ANO2: variants seen among roughly 807,000 people sequenced by gnomAD.
ANO2 encodes anoctamin-2.
A neutral mutation model predicts 124.2 loss-of-function variants in ANO2; 101 were observed. The ratio of observed to expected loss-of-function variants is 0.81; its 90% CI spans 0.69 to 0.96. The LOEUF is 0.96. Ranked by LOEUF, ANO2 falls within the 40% of genes least tolerant of loss-of-function variation. The pLI, the probability that ANO2 is intolerant of heterozygous loss-of-function variation, is 0.00. For synonymous variants in ANO2, 486 were observed against 482.5 expected (o/e 1.01, Z -0.09); for missense variants, 1,293 against 1,274.5 (o/e 1.01, Z -0.22).
chr12:5,659,988 G>A (rs756154402), intron 14 of ANO2, among the ~76,000 whole-genome samples: 14 of 152,130 alleles, frequency 9.2e-5, no homozygotes, highest in Non-Finnish European at 1.3e-4. Flanking sequence ...CAAGCAAGTC[G>A]TCATCCCTCT....
At chr12:5,942,231 G>T (rs7305752) in intron 1 of ANO2, among the ~76,000 whole-genome samples, 6,270 of 152,280 alleles carry the variant, frequency 0.041, 169 homozygotes, top group South Asian at 0.11. Flanking sequence ...AATTAGTTAT[G>T]ATATAAATTT....
intron 10 of ANO2, among the ~76,000 whole-genome samples, chr12:5,782,518 GT>G (rs1187210974): frequency 6.6e-6 from 1 of 151,962 alleles, no homozygotes; most frequent in African/African-American, 2.4e-5. Flanking sequence ...AACTAACCTT[GT>G]TTTTTTCAGG....
intron 7 of ANO2, among the ~76,000 whole-genome samples, chr12:5,826,039 G>C (rs1953943962): frequency 1.3e-5 from 2 of 152,164 alleles, no homozygotes; most frequent in African/African-American, 4.8e-5. Flanking sequence ...AAACATGTTT[G>C]TGCATGTATA....
chr12:5,639,673 A>G (rs1946229710), intron 15 of ANO2, among the ~76,000 whole-genome samples: 1 of 152,134 alleles, frequency 6.6e-6, no homozygotes, highest in Non-Finnish European at 1.5e-5. Context: ...GAGCAAGGGG[A>G]CAGGTGGAGT....
At chr12:5,742,329 G>A (rs1399092555) in intron 12 of ANO2, among the ~76,000 whole-genome samples, 2 of 152,200 alleles carry the variant, frequency 1.3e-5, no homozygotes, top group Non-Finnish European at 2.9e-5. Flanking sequence ...GCTCTTGGCT[G>A]CTGTAACTGA....
intron 14 of ANO2, among the ~76,000 whole-genome samples, chr12:5,729,945 A>C (rs1950572358): frequency 6.6e-6 from 1 of 152,262 alleles, no homozygotes; most frequent in African/African-American, 2.4e-5. Flanking sequence ...AAAGTCCAGA[A>C]TAGGCAAATC....
At chr12:5,854,990 G>A (rs1227402210) in intron 3 of ANO2, among the ~76,000 whole-genome samples, 1 of 148,188 alleles carries the variant, frequency 6.7e-6, no homozygotes, top group Non-Finnish European at 1.5e-5. Context: ...TTTCTGATAT[G>A]AATTTAATTA....
At chr12:5,666,583 C>T (rs1207355800) in intron 14 of ANO2, among the ~76,000 whole-genome samples, 2 of 152,182 alleles carry the variant, frequency 1.3e-5, no homozygotes, top group East Asian at 1.9e-4. Context: ...TTAAGCTCCT[C>T]GTTACCAAAT....
intron 20 of ANO2, 150 bp downstream of exon 20, chr12:5,599,334 C>T (rs1943814883): frequency 2.2e-6 from 2 of 925,580 alleles, no homozygotes; most frequent in Admixed American, 3.0e-5. Context: ...TTTCATGTGG[C>T]ACTGAAGGGA....
intron 12 of ANO2, chr12:5,740,858 T>A (rs1367984050): frequency 6.6e-6 from 1 of 152,352 alleles, no homozygotes; most frequent in African/African-American, 2.4e-5. Flanking sequence ...ATATATCCCA[T>A]GCCCACATTA....
chr12:5,658,282 T>C lies in ANO2; in HGVS notation c.1546-10481A>G, dbSNP rs763182668. ...TGAAAATAGTGCCAACGGTATGAGA[T>C]TGCTGCTATGGAGATGAAATGAGGT... On this transcript the variant is annotated intron_variant, in intron 14 of 24. Coordinates refer to ENST00000682330, the MANE Select transcript of ANO2 (RefSeq NM_001364791.2). The surrounding 1 kb of genome is among the most constrained non-coding windows in gnomAD (Gnocchi z 4.3). Among the ~76,000 whole-genome samples, 12 of 152,266 alleles carry C rather than the reference T, an allele frequency of 7.9e-5. No homozygotes were observed. Among genetic ancestry groups the C allele is most frequent in the African/African-American group, 2.2e-4 (9 of 41,558 alleles).
At position 5,869,788 on chromosome 12, in the gene ANO2, G is replaced by A. The variant is rs1306631179; in HGVS notation, c.535-15647C>T. 1.1e-4 allele frequency among the ~76,000 whole-genome samples: 17 copies of A among 152,300 alleles called. No individual in the cohort carries two copies. The South Asian group carries it at 3.5e-3, about 32-fold the overall frequency. ...GCTGAGAGTGTTTTCTGCAAGACGA[G>A]AGTGGCTTCCCTGAGACACCTGCCC... is the stretch of plus-strand genomic sequence containing the variant. On this transcript the variant is annotated intron_variant, in intron 3 of 24. Coordinates refer to ENST00000682330, the MANE Select transcript of ANO2 (RefSeq NM_001364791.2).
rs1161137742 is a variant in ANO2 at position 5,913,559 on chromosome 12, G to GA, written c.534+7480dup. ...TGTGAATTCTGGGGAGGGAGGAAGA[G>GA]AAAACTACTATAAAGTGCTTGGTTG... On this transcript the variant is annotated intron_variant, in intron 3 of 24. Coordinates refer to ENST00000682330, the MANE Select transcript of ANO2 (RefSeq NM_001364791.2). Among the ~76,000 whole-genome samples, 3 of 152,336 alleles carry GA rather than the reference G, an allele frequency of 2.0e-5. No individual in the cohort carries two copies. The East Asian group carries it at 5.8e-4, about 29-fold the overall frequency.
intron 2 of ANO2, 93 bp from the exon 3 acceptor site, chr12:5,921,459 G>A (rs1318390880): frequency 1.6e-5 from 20 of 1,287,932 alleles, no homozygotes; most frequent in South Asian, 2.9e-5. Flanking sequence ...TCAGGGAAAC[G>A]GACTCAGAAG....
intron 12 of ANO2, among the ~76,000 whole-genome samples, chr12:5,742,120 A>G (rs375209210): frequency 4.3e-4 from 65 of 151,330 alleles, no homozygotes; most frequent in Middle Eastern, 3.4e-3. Flanking sequence ...AGACCTCCTG[A>G]CTCCACACCG....
intron 18 of ANO2, 55 bp downstream of exon 18, chr12:5,612,846 T>C: frequency 1.9e-6 from 3 of 1,610,438 alleles, no homozygotes. Flanking sequence ...GTGCTGGAGA[T>C]AAGAATGGGG....
rs551631231 is a variant in ANO2, at chr12:5,660,875, T to C, written c.1546-13074A>G. Among the ~76,000 whole-genome samples, 5 of 152,290 alleles carry C rather than the reference T, an allele frequency of 3.3e-5. No homozygotes were observed. The South Asian group carries it at 6.2e-4, about 19-fold the overall frequency. On this transcript the variant is annotated intron_variant, in intron 14 of 24. Coordinates refer to ENST00000682330, the MANE Select transcript of ANO2 (RefSeq NM_001364791.2). ...TGTGTTGGTCAAATCTAGTTTTGCATAGGAAGAACCCCACAAAGCAATTTT... is the reference window on the plus strand; with the variant it reads ...TGTGTTGGTCAAATCTAGTTTTGCACAGGAAGAACCCCACAAAGCAATTTT...
At chr12:5,827,736 G>A (rs767862626) in intron 7 of ANO2, 33 bp downstream of exon 7, 1 of 1,599,402 alleles carries the variant, frequency 6.3e-7, no homozygotes, top group Non-Finnish European at 8.5e-7. Context: ...CTCAGCGCCC[G>A]TCAGCACCCT....
chr12:5,698,176 C>T (rs765578131), intron 14 of ANO2, among the ~76,000 whole-genome samples: 6 of 152,216 alleles, frequency 3.9e-5, no homozygotes, highest in Non-Finnish European at 7.3e-5. Flanking sequence ...TCCCGAGTAG[C>T]CTAACTGGGA....
Sources: allele counts gnomAD v4.1 joint callset (sites outside exome capture counted in the v4.1 genomes callset), GRCh38; gene constraint gnomAD v4.1.1; non-coding constraint Gnocchi (gnomAD v3.1); transcripts MANE v1.5; gene names NCBI Gene and HGNC (gene_info 2026-07-23, HGNC 2026-07-21).